The following ZNF808 variants were observed in gnomAD, a reference collection of about 807,000 sequenced individuals.
ZNF808 encodes the protein zinc finger protein 808.
In ZNF808, 5 loss-of-function variants were observed where a neutral mutation model predicts 8.7. That is an observed-to-expected ratio of 0.58 (90% CI 0.30 to 1.21). The LOEUF is 1.21. Ranked by LOEUF, ZNF808 falls within the 50% of genes most tolerant of loss-of-function variation. The pLI is 0.07. For synonymous variants in ZNF808, 380 were observed against 366.0 expected (o/e 1.04, Z -0.44); for missense variants, 1,103 against 1,098.4 (o/e 1.00, Z -0.06).
At chr19:52,560,074 G>A (rs905273126), downstream of ZNF808, among the ~76,000 whole-genome samples, 6 of 152,126 alleles carry the variant, frequency 3.9e-5, no homozygotes, top group Non-Finnish European at 5.9e-5. Flanking sequence ...GGTGGCTCAC[G>A]CCTGTAATCC....
intron 2 of ZNF808, among the ~76,000 whole-genome samples, chr19:52,535,347 AAAAAAAAAG>A (rs1166556467): frequency 1.3e-5 from 2 of 150,764 alleles, no homozygotes; most frequent in African/African-American, 2.4e-5. Context: ...AAAAAAAAAA[AAAAAAAAAG>A]AGAGAAAAGG....
chr19:52,533,705 A>C (rs2059580018), intron 2 of ZNF808, among the ~76,000 whole-genome samples: 1 of 151,808 alleles, frequency 6.6e-6, no homozygotes, highest in African/African-American at 2.4e-5. Flanking sequence ...AATACGAAGA[A>C]ATTAGCCGGG....
intron 1 of ZNF808, among the ~76,000 whole-genome samples, chr19:52,528,563 G>C (rs1219347577): frequency 6.6e-6 from 1 of 152,170 alleles, no homozygotes; most frequent in Non-Finnish European, 1.5e-5. Flanking sequence ...GTAGAGAAAA[G>C]CTAGATGTAC....
chr19:52,529,907 ATATATTT>A (rs1034285500), intron 1 of ZNF808, among the ~76,000 whole-genome samples: 7 of 126,944 alleles, frequency 5.5e-5, no homozygotes, highest in Non-Finnish European at 8.0e-5. Context: ...ATATATATAT[ATATATTT>A]TTTTTTTTTG....
chr19:52,554,141 AATC>A lies in ZNF808; in HGVS notation c.1230_1232del (p.His410del), dbSNP rs2059807650. 9 of 1,614,160 alleles carry A rather than the reference AATC, an allele frequency of 5.6e-6. No homozygotes were observed. Among genetic ancestry groups the A allele is most frequent in the Non-Finnish European group, 7.6e-6 (9 of 1,180,026 alleles). ...GTGTAATGAGTGTGGTAAGGCTTTTAATCATCAATCAAGCCTTGCACGTCATCA... is the reference window on the plus strand; with the variant it reads ...GTGTAATGAGTGTGGTAAGGCTTTTAATCAATCAAGCCTTGCACGTCATCA... On this transcript the variant is annotated inframe_deletion, in exon 5 of 5. Coordinates refer to ENST00000359798, the MANE Select transcript of ZNF808 (RefSeq NM_001039886.4).
chr19:52,541,801 C>T (rs1200727161), intron 2 of ZNF808, among the ~76,000 whole-genome samples: 2 of 152,094 alleles, frequency 1.3e-5, no homozygotes. Context: ...CTGCAGGCGT[C>T]GCCCCTGAGC....
intron 2 of ZNF808, among the ~76,000 whole-genome samples, chr19:52,536,539 A>C (rs542173419): frequency 1.3e-5 from 2 of 151,880 alleles, no homozygotes; most frequent in Non-Finnish European, 2.9e-5. Flanking sequence ...CTGCTCCCCA[A>C]TTCTTCCCTT....
rs192124395 is a variant in ZNF808, at chr19:52,547,320, T to A, written c.64-192T>A. ...GAGACTTCCATAGTGACTTATGGGA[T>A]CTTAAAATCTTTCAAGGAAAAGTAC... On this transcript the variant is annotated intron_variant, in intron 3 of 4. Coordinates refer to ENST00000359798, the MANE Select transcript of ZNF808 (RefSeq NM_001039886.4). Among the ~76,000 whole-genome samples the A allele has an allele frequency of 1.8e-4, 28 of 152,236 alleles. No homozygotes were observed. In the East Asian group the frequency reaches 5.4e-3, roughly 29 times the overall value.
downstream of ZNF808, among the ~76,000 whole-genome samples, chr19:52,565,269 ACTCC>A (rs1251287824): frequency 1.3e-5 from 2 of 151,942 alleles, no homozygotes; most frequent in Non-Finnish European, 2.9e-5. Flanking sequence ...CAAGAGCAAA[ACTCC>A]ATCTGAAAAA....
At chr19:52,536,460 A>G (rs370360379) in intron 2 of ZNF808, among the ~76,000 whole-genome samples, 6 of 152,030 alleles carry the variant, frequency 3.9e-5, no homozygotes, top group East Asian at 3.9e-4. Context: ...CTGGTCCTGG[A>G]ATTCTGCAGG....
chr19:52,560,441 A>G (rs2123224860), downstream of ZNF808, among the ~76,000 whole-genome samples: 1 of 152,212 alleles, frequency 6.6e-6, no homozygotes, highest in South Asian at 2.1e-4. Flanking sequence ...TACTCAGCCA[A>G]GGGATCCTTC....
Position 52,543,261 on chromosome 19 carries a change from T to TA in ZNF808, c.-19-4dup. On this transcript the variant is annotated splice_region_variant and splice_polypyrimidine_tract_variant and intron_variant, in intron 2 of 4. Coordinates refer to ENST00000359798, the MANE Select transcript of ZNF808 (RefSeq NM_001039886.4). ...ACATGAAGTCTTATTTTTTTTCACATACAGGATTGATTTCTAAAGACTCAT... is the reference window on the plus strand; with the variant it reads ...ACATGAAGTCTTATTTTTTTTCACATAACAGGATTGATTTCTAAAGACTCAT... 1 of 1,612,166 alleles carries TA rather than the reference T, an allele frequency of 6.2e-7. No individual in the cohort carries two copies. Among genetic ancestry groups the TA allele is most frequent in the East Asian group, 2.2e-5 (1 of 44,854 alleles).
chr19:52,567,247 C>T (rs755886236), downstream of ZNF808, among the ~76,000 whole-genome samples: 48 of 152,090 alleles, frequency 3.2e-4, no homozygotes, highest in African/African-American at 5.5e-4. Context: ...CCAATGCAAC[C>T]GGCCAAGGAT....
chr19:52,540,713 C>T (rs2059662071), intron 2 of ZNF808, among the ~76,000 whole-genome samples: 1 of 152,072 alleles, frequency 6.6e-6, no homozygotes, highest in Non-Finnish European at 1.5e-5. Flanking sequence ...TGACTTGGAA[C>T]CTTGGTTTAG....
chr19:52,529,907 A>ATT (rs1263796283), intron 1 of ZNF808, among the ~76,000 whole-genome samples: 8 of 126,964 alleles, frequency 6.3e-5, no homozygotes, highest in South Asian at 2.6e-4. Flanking sequence ...ATATATATAT[A>ATT]TATATTTTTT....
chr19:52,538,713 A>C (rs1260630931), intron 2 of ZNF808, among the ~76,000 whole-genome samples: 2 of 151,328 alleles, frequency 1.3e-5, no homozygotes, highest in Non-Finnish European at 2.9e-5. Flanking sequence ...AAAGAAACAG[A>C]TGGAGAGAGA....
intron 2 of ZNF808, among the ~76,000 whole-genome samples, chr19:52,534,839 C>G (rs1230079311): frequency 2.6e-5 from 4 of 151,818 alleles, no homozygotes; most frequent in Admixed American, 2.6e-4. Flanking sequence ...CAGTGAGCCA[C>G]GATCTCGCAA....
At chr19:52,531,579 C>T (rs2059562450) in intron 1 of ZNF808, among the ~76,000 whole-genome samples, 1 of 152,120 alleles carries the variant, frequency 6.6e-6, no homozygotes, top group Non-Finnish European at 1.5e-5. Flanking sequence ...GCACCATCTG[C>T]AGGAACATCC....
At chr19:52,565,035 G>A (rs567430289), downstream of ZNF808, among the ~76,000 whole-genome samples, 2 of 152,222 alleles carry the variant, frequency 1.3e-5, no homozygotes, top group South Asian at 2.1e-4. Context: ...GCAGTGAGCC[G>A]AGATAGCACC....
Sources: allele counts gnomAD v4.1 joint callset (sites outside exome capture counted in the v4.1 genomes callset), GRCh38; gene constraint gnomAD v4.1.1; transcripts MANE v1.5; gene names NCBI Gene and HGNC (gene_info 2026-07-23, HGNC 2026-07-21).